CSF2RB: variants seen among roughly 807,000 people sequenced by gnomAD.
CSF2RB encodes colony stimulating factor 2 receptor subunit beta.
Under a neutral mutation model 67.2 loss-of-function variants are expected in CSF2RB, and 22 were observed. That is an observed-to-expected ratio of 0.33 (90% confidence interval 0.23 to 0.47). The LOEUF (loss-of-function observed/expected upper bound fraction) is 0.47, where lower values mean the gene tolerates loss of function less well. CSF2RB is among the 20% of genes least tolerant of loss of function. The pLI is 1.00. For missense variants in CSF2RB, 1,113 were observed against 1,174.5 expected (o/e 0.95, Z 0.76); for synonymous variants, 507 against 482.9 (o/e 1.05, Z -0.65).
intron 9 of CSF2RB, among the ~76,000 whole-genome samples, chr22:36,933,437 C>T (rs757651228): frequency 5.3e-5 from 8 of 152,164 alleles, no homozygotes; most frequent in Non-Finnish European, 7.4e-5. Flanking sequence ...GAGCCAGGAG[C>T]GGGCCCTGGG....
chr22:36,932,658 G>A, intron 8 of CSF2RB, 107 bp from the exon 9 acceptor site: 1 of 1,325,162 alleles, frequency 7.5e-7, no homozygotes, highest in Non-Finnish European at 1.1e-6. Flanking sequence ...GGCAGAACCT[G>A]GGGTCTGGTG....
chr22:36,931,569 G>T (rs1194278408), intron 8 of CSF2RB, among the ~76,000 whole-genome samples: 1 of 152,220 alleles, frequency 6.6e-6, no homozygotes, highest in Non-Finnish European at 1.5e-5. Context: ...ATACAGTGAA[G>T]GCATCAAGGT....
At position 36,929,385 on chromosome 22, in the gene CSF2RB, C is replaced by A; in HGVS notation, c.392-17C>A. 6.2e-7 allele frequency: 1 copy of A among 1,614,178 alleles called. No homozygotes were observed. Reference sequence around the variant, plus strand: ...AGCGGTCCAGCCCTTAGGTGCCCTTCACTTCCTCCCCTCCAGTCCAGCCTC... The same window carrying A: ...AGCGGTCCAGCCCTTAGGTGCCCTTAACTTCCTCCCCTCCAGTCCAGCCTC... On this transcript the variant is annotated splice_polypyrimidine_tract_variant and intron_variant, in intron 4 of 13. Coordinates refer to ENST00000403662, the MANE Select transcript of CSF2RB (RefSeq NM_000395.3).
intron 2 of CSF2RB, 127 bp from the exon 3 acceptor site, chr22:36,923,117 A>G: frequency 1.4e-6 from 2 of 1,411,362 alleles, no homozygotes; most frequent in South Asian, 1.2e-5. Flanking sequence ...GTGCCTGGCC[A>G]CCTGGTGCCT....
intron 1 of CSF2RB, among the ~76,000 whole-genome samples, 164 bp downstream of exon 1, chr22:36,913,841 T>G (rs1356816644): frequency 1.3e-5 from 2 of 152,064 alleles, no homozygotes; most frequent in African/African-American, 4.8e-5. Flanking sequence ...TAGGATGACC[T>G]GAGCCCAGAC....
intron 1 of CSF2RB, among the ~76,000 whole-genome samples, chr22:36,916,268 AC>A (rs1940712611): frequency 6.6e-6 from 1 of 152,108 alleles, no homozygotes; most frequent in Non-Finnish European, 1.5e-5. Flanking sequence ...TAATAATTTT[AC>A]TATTTTGGTT....
intron 8 of CSF2RB, among the ~76,000 whole-genome samples, chr22:36,931,908 A>G (rs953394152): frequency 6.6e-6 from 1 of 152,130 alleles, no homozygotes; most frequent in Non-Finnish European, 1.5e-5. Context: ...CCTGGCCTTT[A>G]GTCAACTCCC....
In CSF2RB at chr22:36,933,765, G is replaced by C. The variant is rs112059846; in HGVS notation, c.1153-67G>C. On this transcript the variant is annotated intron_variant, in intron 9 of 13. Transcript: ENST00000403662. ...GGAGCCAGCGAAGCCGAGGGTCCAG[G>C]TGGGAGGGATTTGCAGCTGCTCCCA... The C allele has an allele frequency of 3.1e-5, 48 of 1,545,692 alleles. No homozygotes were observed. The African/African-American group carries it at 3.5e-4, about 11-fold the overall frequency.
chr22:36,923,335 C>T lies in CSF2RB; in HGVS notation c.168C>T (p.Leu56=), dbSNP rs771814455. Residue 56 remains leucine (L), a synonymous_variant, in exon 3 of 14, where the codon CTC becomes CTT. Coordinates refer to ENST00000403662, the MANE Select transcript of CSF2RB (RefSeq NM_000395.3). ...RWADTQDAQR[L]VNVTLIRRVN... is the part of the protein sequence containing the mutation. The stretch of plus-strand genomic sequence containing the variant: ...CAGACACCCAGGATGCCCAGCGGCT[C>T]GTCAACGTGACCCTCATTCGCCGGG... 1.1e-5 allele frequency: 18 copies of T among 1,614,044 alleles called. No homozygotes were observed. The highest frequency in any genetic ancestry group is 2.2e-5 in the South Asian group (2 of 91,086).
chr22:36,929,442 C>T lies in CSF2RB; in HGVS notation c.432C>T (p.Asp144=), dbSNP rs2145804615. Residue 144 remains aspartate (D), a synonymous_variant, in exon 5 of 14, where the codon GAC becomes GAT. Coordinates refer to ENST00000403662, the MANE Select transcript of CSF2RB (RefSeq NM_000395.3). ...CCAGGGACCTGCAGATCAGCACCGA[C>T]CAGGACCACTTCCTGCTGACCTGGA... The part of the protein sequence containing the change: ...PEPRDLQIST[D]QDHFLLTWSV... 2 of 1,614,216 alleles carry T rather than the reference C, an allele frequency of 1.2e-6. No homozygotes were observed. Among genetic ancestry groups the T allele is most frequent in the East Asian group, 4.5e-5 (2 of 44,878 alleles).
intron 3 of CSF2RB, 94 bp downstream of exon 3, chr22:36,923,461 C>G: frequency 6.5e-7 from 1 of 1,536,464 alleles, no homozygotes; most frequent in Non-Finnish European, 8.8e-7. Flanking sequence ...CCTGTCAGGT[C>G]AGCCTCGGGG....
In CSF2RB at chr22:36,923,387, G is replaced by A; in HGVS notation, c.200+20G>A. The stretch of plus-strand genomic sequence containing the variant: ...GAATGAGTGAGTGATGCTGGGGGCA[G>A]GGGCCACGGGCAGGGGCTACGACGT... On this transcript the variant is annotated intron_variant, in intron 3 of 13. Transcript: ENST00000403662. 1.9e-6 allele frequency: 3 copies of A among 1,611,690 alleles called. No homozygotes were observed. The highest frequency in any genetic ancestry group is 1.7e-4 in the Middle Eastern group (1 of 6,056).
intron 1 of CSF2RB, among the ~76,000 whole-genome samples, chr22:36,919,863 G>A (rs561465193): frequency 1.3e-5 from 2 of 152,196 alleles, no homozygotes; most frequent in South Asian, 2.1e-4. Context: ...TTTTATTTTT[G>A]CTGTATCTGT....
rs1534880 is a variant in CSF2RB at position 36,933,069 on chromosome 22, G to C, written c.1152+165G>C. On this transcript the variant is annotated intron_variant, in intron 9 of 13. Transcript: ENST00000403662. ...TAGGCTGTGTGGTCAGCAGGTCACT[G>C]TCCTGTCTCTTGGTGAAGTAACTGA... 0.39 allele frequency among the ~76,000 whole-genome samples: 59,611 copies of C among 152,106 alleles called. 14,022 individuals are homozygous for C. The highest frequency in any genetic ancestry group is 0.8 in the East Asian group (4,115 of 5,156).
At chr22:36,919,602 G>A (rs1940805014) in intron 1 of CSF2RB, among the ~76,000 whole-genome samples, 1 of 151,850 alleles carries the variant, frequency 6.6e-6, no homozygotes, top group South Asian at 2.1e-4. Flanking sequence ...GTAAAGACGG[G>A]GTTCTACCAC....
Position 36,938,061 on chromosome 22 carries a change from A to G in CSF2RB, c.2253A>G (p.Gly751=), listed in dbSNP as rs368583454. 1.2e-6 allele frequency: 2 copies of G among 1,613,328 alleles called. No individual in the cohort carries two copies. The highest frequency in any genetic ancestry group is 2.7e-5 in the African/African-American group (2 of 74,684). The change falls in exon 14 of 14, where the codon GGA becomes GGG. Residue 751 remains glycine, a synonymous_variant. Coordinates refer to ENST00000403662, the MANE Select transcript of CSF2RB (RefSeq NM_000395.3). The part of the protein sequence containing the change: ...TPSLCPGLAS[G]PPGAPGPVKS... The stretch of plus-strand genomic sequence containing the variant: ...GCTTATGTCCTGGGCTGGCCAGTGG[A>G]CCCCCTGGAGCCCCAGGCCCTGTGA...
rs539820176 is a variant in CSF2RB at position 36,938,127 on chromosome 22, G to T, written c.2319G>T (p.Glu773Asp). 6.2e-7 allele frequency: 1 copy of T among 1,614,056 alleles called. No individual in the cohort carries two copies. Among genetic ancestry groups the T allele is most frequent in the South Asian group, 1.1e-5 (1 of 91,080 alleles). Residue 773 changes from glutamate (E) to aspartate (D), a missense_variant, in exon 14 of 14, where the codon GAG (glutamate) becomes GAT (aspartate). Glu to Asp is a conservative substitution (Grantham distance 45). Transcript: ENST00000403662. Reference sequence around the variant, plus strand: ...GCTATGTGGAGCTCCCTCCAATTGAGGGCCGGTCCCCCAGGTCACCAAGGA... The same window carrying T: ...GCTATGTGGAGCTCCCTCCAATTGATGGCCGGTCCCCCAGGTCACCAAGGA... Reference protein sequence around the residue: ...FEGYVELPPIEGRSPRSPRNN... With the variant: ...FEGYVELPPIDGRSPRSPRNN...
At position 36,938,206 on chromosome 22, in the gene CSF2RB, C is replaced by T. The variant is rs1465112930; in HGVS notation, c.2398C>T (p.Pro800Ser). 4 of 1,614,038 alleles carry T rather than the reference C, an allele frequency of 2.5e-6. No individual in the cohort carries two copies. Among genetic ancestry groups the T allele is most frequent in the Admixed American group, 1.7e-5 (1 of 60,012 alleles). ...CCCTGTCCTGAACCCAGGGGAACGCCCGGCAGATGTGTCCCCAACATCCCC... is the reference window on the plus strand; with the variant it reads ...CCCTGTCCTGAACCCAGGGGAACGCTCGGCAGATGTGTCCCCAACATCCCC... ...KSPVLNPGER[P>S]ADVSPTSPQP... Residue 800 changes from proline to serine, a missense_variant, in exon 14 of 14, where the codon CCG becomes TCG. Around this residue, in one of 2 missense-constraint regions of CSF2RB, gnomAD observed 554 missense variants for 517.9 expected, o/e 1.07. Coordinates refer to ENST00000403662, the MANE Select transcript of CSF2RB (RefSeq NM_000395.3).
chr22:36,937,182 A>G lies in CSF2RB; in HGVS notation c.1569-195A>G, dbSNP rs1941284246. 6.6e-6 allele frequency among the ~76,000 whole-genome samples: 1 copy of G among 152,190 alleles called. No individual in the cohort carries two copies. The highest frequency in any genetic ancestry group is 6.5e-5 in the Admixed American group (1 of 15,296). On this transcript the variant is annotated intron_variant, in intron 13 of 13. Transcript: ENST00000403662. The surrounding 1 kb of genome is among the most constrained non-coding windows in gnomAD (Gnocchi z 4.6). ...AGGATGGAGCTCCTGAGCCACGGAA[A>G]GACTGAATCCATGTCCCATGTCCTT...
Sources: gnomAD v4.1 joint callset for allele counts (sites outside exome capture counted in the v4.1 genomes callset) on GRCh38, gnomAD v4.1.1 for gene constraint, gnomAD v4.1.1 regional missense constraint, Gnocchi (gnomAD v3.1) non-coding constraint, MANE v1.5 for transcripts, NCBI Gene and HGNC (gene_info 2026-07-23, HGNC 2026-07-21) for gene names.